Variants in MAD1L1 observed in about 807,000 individuals in gnomAD.
The protein encoded by MAD1L1 is mitotic arrest deficient 1 like 1, also known as mitotic spindle assembly checkpoint protein MAD1.
MAD1L1 carries 95 observed loss-of-function variants against 96.9 expected under a neutral mutation model. The observed-to-expected ratio is 0.98, with a 90% CI of 0.83 to 1.16. MAD1L1 has a LOEUF of 1.16. Ranked by LOEUF, MAD1L1 falls within the 50% of genes most tolerant of loss-of-function variation. The pLI, the probability that MAD1L1 is intolerant of heterozygous loss-of-function variation, is 0.00. For missense variants in MAD1L1, 1,007 were observed against 954.4 expected (o/e 1.06, Z -0.73); for synonymous variants, 473 against 396.6 (o/e 1.19, Z -2.29).
intron 16 of MAD1L1, among the ~76,000 whole-genome samples, chr7:1,947,645 T>C (rs1239585314): frequency 4.6e-5 from 7 of 151,240 alleles, no homozygotes; most frequent in Admixed American, 4.6e-4. Context: ...GGCCTTCCCA[T>C]CTCCTGCCCG....
chr7:2,006,165 A>G (rs1782021383), intron 13 of MAD1L1, among the ~76,000 whole-genome samples: 2 of 152,164 alleles, frequency 1.3e-5, no homozygotes, highest in African/African-American at 4.8e-5. Flanking sequence ...CTAAGAACAG[A>G]GCCATGGAAC....
intron 10 of MAD1L1, among the ~76,000 whole-genome samples, chr7:2,160,712 A>C (rs1790064395): frequency 6.6e-6 from 1 of 151,720 alleles, no homozygotes; most frequent in African/African-American, 2.4e-5. Flanking sequence ...AGCTCACTGG[A>C]ATCTCCGCTC....
chr7:2,010,218 C>T (rs888030817), intron 13 of MAD1L1, among the ~76,000 whole-genome samples: 1 of 151,972 alleles, frequency 6.6e-6, no homozygotes, highest in Non-Finnish European at 1.5e-5. Flanking sequence ...AGGCTCTCCC[C>T]AGCCCTCCTG....
intron 17 of MAD1L1, among the ~76,000 whole-genome samples, chr7:1,914,764 C>T (rs919853786): frequency 9.0e-5 from 13 of 144,142 alleles, no homozygotes; most frequent in African/African-American, 3.4e-4. Flanking sequence ...CAGGCAGGTG[C>T]TACCACACCC....
intron 15 of MAD1L1, among the ~76,000 whole-genome samples, chr7:1,976,043 C>A (rs575322265): frequency 6.6e-6 from 1 of 152,250 alleles, no homozygotes; most frequent in South Asian, 2.1e-4. Flanking sequence ...AAAATCCCCA[C>A]CGACGCTCTC....
At chr7:2,217,089 G>A (rs1333669204) in intron 7 of MAD1L1, among the ~76,000 whole-genome samples, 1 of 152,152 alleles carries the variant, frequency 6.6e-6, no homozygotes, top group Non-Finnish European at 1.5e-5. Context: ...GGCACTCCAT[G>A]GTAAAACATC....
At chr7:2,001,599 C>CA (rs1781796384) in intron 14 of MAD1L1, among the ~76,000 whole-genome samples, 2 of 152,248 alleles carry the variant, frequency 1.3e-5, no homozygotes, top group Admixed American at 6.5e-5. Context: ...GATAAGCACT[C>CA]ACTAGAGACG....
intron 10 of MAD1L1, among the ~76,000 whole-genome samples, chr7:2,153,867 C>T (rs1234302485): frequency 2.6e-5 from 4 of 152,228 alleles, no homozygotes; most frequent in Non-Finnish European, 5.9e-5. Flanking sequence ...TAAGAAAGAA[C>T]AAGAGCTGGG....
At chr7:2,110,882 C>G (rs1275361943) in intron 11 of MAD1L1, among the ~76,000 whole-genome samples, 4 of 152,184 alleles carry the variant, frequency 2.6e-5, no homozygotes, top group Admixed American at 2.0e-4. Context: ...CCCTCAAACA[C>G]AGTTTCCCAG....
chr7:1,873,824 C>A (rs527583766), intron 18 of MAD1L1, among the ~76,000 whole-genome samples: 248 of 152,294 alleles, frequency 1.6e-3, no homozygotes, highest in Admixed American at 3.4e-3. Flanking sequence ...CAGGGCTTAT[C>A]CTGCCTCCAG....
At chr7:1,910,335 G>T (rs10240470) in intron 17 of MAD1L1, among the ~76,000 whole-genome samples, 123,039 of 152,198 alleles carry the variant, frequency 0.81, 49,823 homozygotes, top group East Asian at 0.89. Context: ...TGAATGGACA[G>T]AAAGATGCCT....
At chr7:1,830,146 C>T (rs1318814570) in intron 18 of MAD1L1, among the ~76,000 whole-genome samples, 2 of 152,210 alleles carry the variant, frequency 1.3e-5, no homozygotes, top group Non-Finnish European at 2.9e-5. Context: ...CCTGTAATCC[C>T]AGCACTGTGG....
At chr7:2,141,034 G>C (rs555127229) in intron 11 of MAD1L1, among the ~76,000 whole-genome samples, 68 of 152,398 alleles carry the variant, frequency 4.5e-4, no homozygotes, top group African/African-American at 1.6e-3. Context: ...GCTGAAAGAA[G>C]CAACACAAGC....
intron 18 of MAD1L1, among the ~76,000 whole-genome samples, chr7:1,833,753 C>T (rs1181335926): frequency 6.6e-6 from 1 of 152,182 alleles, no homozygotes; most frequent in African/African-American, 2.4e-5. Context: ...CCAGCCTGGC[C>T]AACATGGTGA....
intron 11 of MAD1L1, among the ~76,000 whole-genome samples, chr7:2,072,641 A>G (rs997224421): frequency 2.0e-5 from 3 of 152,234 alleles, no homozygotes; most frequent in Non-Finnish European, 4.4e-5. Flanking sequence ...CCGTGTGGTC[A>G]TTTAACTAGA....
intron 16 of MAD1L1, among the ~76,000 whole-genome samples, chr7:1,946,657 C>T (rs1454415750): frequency 5.3e-5 from 8 of 152,222 alleles, no homozygotes; most frequent in African/African-American, 2.4e-5. Flanking sequence ...AGCCGGCTGG[C>T]GGGTGCAGCG....
rs184859047 is a variant in MAD1L1, at chr7:2,127,623, G to A, written c.1073+21529C>T. Among the ~76,000 whole-genome samples, 769 of 152,290 alleles carry A rather than the reference G, an allele frequency of 5.0e-3. 1 individual carries two copies. The highest frequency in any genetic ancestry group is 7.1e-3 in the Non-Finnish European group (482 of 68,026). On this transcript the variant is annotated intron_variant, in intron 11 of 18. Transcript: ENST00000265854. ...TAGGGTGGGGAAAAAAGGCAAGAGA[G>A]GAGGAGACCCACAGGAACCCACCTG...
chr7:2,180,535 T>C (rs1269403387), intron 10 of MAD1L1, among the ~76,000 whole-genome samples: 1 of 152,176 alleles, frequency 6.6e-6, no homozygotes, highest in Non-Finnish European at 1.5e-5. Flanking sequence ...TTTTCAAATG[T>C]GAAATGTCTA....
At chr7:1,831,674 T>C (rs1048125585) in intron 18 of MAD1L1, among the ~76,000 whole-genome samples, 1 of 152,154 alleles carries the variant, frequency 6.6e-6, no homozygotes, top group African/African-American at 2.4e-5. Flanking sequence ...AACGAACACA[T>C]GAATGATAAG....
Sources: gnomAD v4.1 joint callset for allele counts (sites outside exome capture counted in the v4.1 genomes callset) on GRCh38, gnomAD v4.1.1 for gene constraint, MANE v1.5 for transcripts, NCBI Gene and HGNC (gene_info 2026-07-23, HGNC 2026-07-21) for gene names.